The following SLC1A1 variants were observed in gnomAD, a reference collection of about 807,000 sequenced individuals.
The protein encoded by SLC1A1 is excitatory amino acid transporter 3.
In SLC1A1, 43 loss-of-function variants were observed where a neutral mutation model predicts 53.3. The observed-to-expected ratio is 0.81, with a 90% CI of 0.63 to 1.04. SLC1A1 has a LOEUF of 1.04. Ranked by LOEUF, SLC1A1 falls within the 50% of genes least tolerant of loss-of-function variation. The pLI, the probability that SLC1A1 is intolerant of heterozygous loss-of-function variation, is 0.00. For missense variants in SLC1A1, 748 were observed against 664.9 expected, an observed-to-expected ratio of 1.12 and a Z score of -1.37; for synonymous variants, 307 against 243.2, an observed-to-expected ratio of 1.26 and a Z score of -2.44.
At chr9:4,555,624 G>A (rs999488700) in intron 2 of SLC1A1, among the ~76,000 whole-genome samples, 4 of 152,172 alleles carry the variant, frequency 2.6e-5, no homozygotes, top group Non-Finnish European at 5.9e-5. Context: ...AAGGACAACC[G>A]GGGATTTTAT....
chr9:4,570,822 T>G (rs1819960040), intron 6 of SLC1A1, among the ~76,000 whole-genome samples: 1 of 151,394 alleles, frequency 6.6e-6, no homozygotes, highest in South Asian at 2.1e-4. Flanking sequence ...GGTGAGAGGA[T>G]CACTTGAGCC....
chr9:4,568,696 A>C (rs1054963870), intron 6 of SLC1A1, among the ~76,000 whole-genome samples: 12 of 121,472 alleles, frequency 9.9e-5, no homozygotes, highest in African/African-American at 4.3e-4. Flanking sequence ...CTCTTGTTTC[A>C]AAAAAAAAAA....
Position 4,583,766 on chromosome 9 carries a change from T to C in SLC1A1, c.1328+594T>C, listed in dbSNP as rs301436. 0.99 allele frequency among the ~76,000 whole-genome samples: 151,249 copies of C among 152,180 alleles called. 75,167 individuals carry two copies. The highest frequency in any genetic ancestry group is 1 in the East Asian group (5,179 of 5,180). On this transcript the variant is annotated intron_variant, in intron 11 of 11. Transcript: ENST00000262352. This position sits in a 1 kb window ranked among gnomAD's most constrained non-coding sequence, Gnocchi z 4.6. ...GTGAGTGGAGCATCTAGAACAGCGT[T>C]TGGCAGCCCATACATGCTCAATAAA...
chr9:4,507,095 G>C (rs544539653), intron 1 of SLC1A1, among the ~76,000 whole-genome samples: 2 of 152,134 alleles, frequency 1.3e-5, no homozygotes, highest in Admixed American at 6.5e-5. Context: ...TTAGCTGAGC[G>C]TGGTGGTGGG....
chr9:4,541,377 C>G (rs10974612), intron 1 of SLC1A1, among the ~76,000 whole-genome samples: 20,736 of 152,166 alleles, frequency 0.14, 1,690 homozygotes, highest in African/African-American at 0.21. Flanking sequence ...TCTATACAAG[C>G]CTGGTTTATG....
At chr9:4,541,034 T>G (rs943784848) in intron 1 of SLC1A1, among the ~76,000 whole-genome samples, 1 of 152,218 alleles carries the variant, frequency 6.6e-6, no homozygotes, top group African/African-American at 2.4e-5. Context: ...TGAAATTACC[T>G]GTGTCTGTGG....
chr9:4,584,372 T>A (rs1296838934), intron 11 of SLC1A1, among the ~76,000 whole-genome samples: 1 of 152,224 alleles, frequency 6.6e-6, no homozygotes, highest in East Asian at 1.9e-4. Context: ...GTGATGCTGG[T>A]GGATTTGCAT....
intron 1 of SLC1A1, among the ~76,000 whole-genome samples, chr9:4,527,970 T>G (rs982027298): frequency 3.3e-5 from 5 of 152,132 alleles, no homozygotes; most frequent in Admixed American, 1.3e-4. Flanking sequence ...AATACCCACC[T>G]CTTGTTACTC....
chr9:4,563,939 A>G (rs974325988), intron 3 of SLC1A1, among the ~76,000 whole-genome samples: 1 of 152,174 alleles, frequency 6.6e-6, no homozygotes, highest in Non-Finnish European at 1.5e-5. Context: ...AAGTTGCAGA[A>G]AGACATCAGA....
intron 1 of SLC1A1, among the ~76,000 whole-genome samples, chr9:4,534,299 T>C (rs546767410): frequency 9.2e-5 from 14 of 152,018 alleles, no homozygotes; most frequent in Middle Eastern, 6.8e-3. Flanking sequence ...ATCAACAAAA[T>C]TGATAGACTG....
At chr9:4,500,340 A>C (rs183833220) in intron 1 of SLC1A1, among the ~76,000 whole-genome samples, 2 of 152,066 alleles carry the variant, frequency 1.3e-5, no homozygotes, top group Non-Finnish European at 2.9e-5. Flanking sequence ...ACAGAGTCTC[A>C]CTCTGTCACC....
At chr9:4,509,299 G>C (rs375477077) in intron 1 of SLC1A1, among the ~76,000 whole-genome samples, 2 of 152,148 alleles carry the variant, frequency 1.3e-5, no homozygotes, top group African/African-American at 4.8e-5. Flanking sequence ...GACCTGGCAG[G>C]AAGCAGACTC....
At chr9:4,516,972 G>A (rs1324989498) in intron 1 of SLC1A1, among the ~76,000 whole-genome samples, 1 of 152,172 alleles carries the variant, frequency 6.6e-6, no homozygotes, top group Admixed American at 6.5e-5. Context: ...GGAAGAAACA[G>A]AACTTTGGTG....
intron 7 of SLC1A1, among the ~76,000 whole-genome samples, 188 bp from the exon 8 acceptor site, chr9:4,573,719 C>G (rs1820279264): frequency 6.6e-6 from 1 of 152,136 alleles, no homozygotes; most frequent in Non-Finnish European, 1.5e-5. Context: ...CACACAGGTA[C>G]TAAAAACTAG....
intron 1 of SLC1A1, among the ~76,000 whole-genome samples, chr9:4,511,637 C>T (rs953671152): frequency 1.3e-5 from 2 of 151,602 alleles, no homozygotes; most frequent in Non-Finnish European, 2.9e-5. Context: ...TGCTGAAAGT[C>T]TGAATGCTTT....
At position 4,537,548 on chromosome 9, in the gene SLC1A1, A is replaced by G. The variant is rs1411572855; in HGVS notation, c.92-7019A>G. Among the ~76,000 whole-genome samples, 2 of 140,182 alleles carry G rather than the reference A, an allele frequency of 1.4e-5. 1 individual carries two copies. Among genetic ancestry groups the G allele is most frequent in the African/African-American group, 5.4e-5 (2 of 37,284 alleles). The allele number at this position is 140,182 out of a possible 152,430, so 92.0% of individuals were successfully genotyped here. On this transcript the variant is annotated intron_variant, in intron 1 of 11. Transcript: ENST00000262352. ...CAGTCCACAGTCCGGCCTGGGCGAC[A>G]GAGCGAGACTCCGTCTCAAAAAAAT...
intron 1 of SLC1A1, among the ~76,000 whole-genome samples, chr9:4,530,908 T>C (rs1485837080): frequency 6.6e-6 from 1 of 152,228 alleles, no homozygotes; most frequent in Non-Finnish European, 1.5e-5. Flanking sequence ...TATGAACCTT[T>C]GCTTGACATT....
intron 2 of SLC1A1, among the ~76,000 whole-genome samples, chr9:4,546,465 T>C (rs1023894833): frequency 6.6e-6 from 1 of 152,060 alleles, no homozygotes; most frequent in Non-Finnish European, 1.5e-5. Flanking sequence ...ACTGGCCCAG[T>C]ATTTCCACCT....
At chr9:4,493,775 C>G (rs2130787945) in intron 1 of SLC1A1, among the ~76,000 whole-genome samples, 1 of 152,234 alleles carries the variant, frequency 6.6e-6, no homozygotes, top group Middle Eastern at 3.4e-3. Flanking sequence ...AATGTTCAGT[C>G]ACTACTATAA....
Sources: gnomAD v4.1 joint callset for allele counts (sites outside exome capture counted in the v4.1 genomes callset) on GRCh38, gnomAD v4.1.1 for gene constraint, Gnocchi (gnomAD v3.1) non-coding constraint, MANE v1.5 for transcripts, NCBI Gene and HGNC (gene_info 2026-07-23, HGNC 2026-07-21) for gene names.